Variants in PTPRT observed in about 807,000 individuals in gnomAD.
The protein encoded by PTPRT is protein tyrosine phosphatase receptor type T.
Under a neutral mutation model 176.8 loss-of-function variants are expected in PTPRT, and 56 were observed. That is an observed-to-expected ratio of 0.32 (90% CI 0.26 to 0.40). PTPRT has a LOEUF of 0.40. PTPRT is among the 10% of genes least tolerant of loss of function. The probability of loss-of-function intolerance (pLI) is 1.00; values close to 1 mark genes in which losing one functional copy is unlikely to be tolerated. For synonymous variants in PTPRT, 783 were observed against 739.0 expected, an observed-to-expected ratio of 1.06 and a Z score of -0.96; for missense variants, 1,540 against 1,908.2, an observed-to-expected ratio of 0.81 and a Z score of 3.60.
chr20:42,513,311 T>C (rs2071994783), intron 7 of PTPRT, among the ~76,000 whole-genome samples: 1 of 152,018 alleles, frequency 6.6e-6, no homozygotes, highest in Non-Finnish European at 1.5e-5. Context: ...TTTCTTAATT[T>C]TGTTAATTTC....
At chr20:42,299,781 G>A (rs903566238) in intron 12 of PTPRT, among the ~76,000 whole-genome samples, 10 of 150,748 alleles carry the variant, frequency 6.6e-5, no homozygotes, top group African/African-American at 2.4e-4. Context: ...CCGAGTAGCT[G>A]GGACTACAGG....
chr20:42,104,839 T>A, intron 24 of PTPRT, 121 bp from the exon 25 acceptor site: 2 of 1,123,334 alleles, frequency 1.8e-6, no homozygotes, highest in Admixed American at 5.8e-5. Context: ...TATTACAGGA[T>A]CCTTACTTTT....
chr20:42,284,950 A>G (rs1470778007), intron 12 of PTPRT, among the ~76,000 whole-genome samples: 1 of 151,302 alleles, frequency 6.6e-6, no homozygotes, highest in East Asian at 1.9e-4. Flanking sequence ...CAGAGAACAT[A>G]CCCAAAAGAT....
rs528458101 is a variant in PTPRT, at chr20:42,254,863, G to T, written c.2177-6041C>A. Among the ~76,000 whole-genome samples, 5 of 152,234 alleles carry T rather than the reference G, an allele frequency of 3.3e-5. No homozygotes were observed. The East Asian group carries it at 7.7e-4, about 24-fold the overall frequency. ...AGCCCTGAGGACCTCATGTCTACAG[G>T]ATGCTGACCTTTTTCTCTGACGTCA... On this transcript the variant is annotated intron_variant, in intron 13 of 30. Transcript: ENST00000373187.
intron 1 of PTPRT, among the ~76,000 whole-genome samples, chr20:42,889,774 G>T (rs1430601077): frequency 6.6e-6 from 1 of 152,174 alleles, no homozygotes; most frequent in East Asian, 1.9e-4. Flanking sequence ...AGGAAATACT[G>T]CATGATGACA....
intron 6 of PTPRT, among the ~76,000 whole-genome samples, chr20:42,694,684 T>C (rs1326026573): frequency 6.6e-6 from 1 of 152,252 alleles, no homozygotes; most frequent in Non-Finnish European, 1.5e-5. Context: ...TCACCTGTAC[T>C]ACTATTGTCA....
chr20:42,246,603 C>A (rs944148616), intron 14 of PTPRT, among the ~76,000 whole-genome samples: 1 of 152,096 alleles, frequency 6.6e-6, no homozygotes, highest in African/African-American at 2.4e-5. Flanking sequence ...CCTTTTCCTC[C>A]CTCCCAAAAA....
At chr20:42,464,906 T>C (rs1389721879) in intron 8 of PTPRT, among the ~76,000 whole-genome samples, 9 of 152,148 alleles carry the variant, frequency 5.9e-5, no homozygotes, top group African/African-American at 2.2e-4. Context: ...CATTGGCTCA[T>C]TAGAAATGTA....
At chr20:42,944,521 C>T (rs1980759795) in intron 1 of PTPRT, among the ~76,000 whole-genome samples, 1 of 152,184 alleles carries the variant, frequency 6.6e-6, no homozygotes, top group Admixed American at 6.5e-5. Context: ...TTCCTCCAAC[C>T]TTACCTGCAG....
Position 42,671,720 on chromosome 20 carries a change from T to C in PTPRT, c.1153+6146A>G, listed in dbSNP as rs7270216. Among the ~76,000 whole-genome samples, 1,394 of 152,348 alleles carry C rather than the reference T, an allele frequency of 9.2e-3. 24 individuals carry two copies. The highest frequency in any genetic ancestry group is 0.032 in the African/African-American group (1,344 of 41,578). Reference sequence around the variant, plus strand: ...GCTAAAGAACATTTTGAGTTTGATATACATGATCGCATTTGCTCTCATACC... The same window carrying C: ...GCTAAAGAACATTTTGAGTTTGATACACATGATCGCATTTGCTCTCATACC... On this transcript the variant is annotated intron_variant, in intron 7 of 30. Transcript: ENST00000373187.
At chr20:42,227,319 G>T (rs986869204) in intron 15 of PTPRT, among the ~76,000 whole-genome samples, 3 of 152,126 alleles carry the variant, frequency 2.0e-5, no homozygotes, top group Non-Finnish European at 4.4e-5. Flanking sequence ...CTGAAGCTGG[G>T]GTTGCTTTTA....
chr20:43,186,366 T>C (rs765279363), intron 1 of PTPRT, among the ~76,000 whole-genome samples: 7 of 152,130 alleles, frequency 4.6e-5, no homozygotes, highest in Non-Finnish European at 8.8e-5. Flanking sequence ...CCATTATAGC[T>C]GCCGTGAGAC....
intron 1 of PTPRT, among the ~76,000 whole-genome samples, chr20:43,094,223 G>A (rs2012016778): frequency 6.6e-6 from 1 of 150,668 alleles, no homozygotes; most frequent in Admixed American, 6.6e-5. Flanking sequence ...GAGTAGCTGG[G>A]GCTACAGGCC....
At position 42,611,014 on chromosome 20, in the gene PTPRT, T is replaced by C. The variant is rs906152261; in HGVS notation, c.1153+66852A>G. Among the ~76,000 whole-genome samples the C allele has an allele frequency of 6.6e-5, 10 of 152,234 alleles. No homozygotes were observed. The East Asian group carries it at 1.7e-3, about 26-fold the overall frequency. On this transcript the variant is annotated intron_variant, in intron 7 of 30. Transcript: ENST00000373187. ...GCATGTATGCCTTCATTCCTTTTTA[T>C]TGTGGAAAAAGTGTTCACTGTATGG... is the stretch of plus-strand genomic sequence containing the variant.
intron 1 of PTPRT, among the ~76,000 whole-genome samples, chr20:42,968,485 T>C (rs1032329673): frequency 6.6e-6 from 1 of 152,080 alleles, no homozygotes; most frequent in Non-Finnish European, 1.5e-5. Flanking sequence ...AACTAATAAG[T>C]GGACACCTCA....
chr20:43,025,707 A>C (rs1985881167), intron 1 of PTPRT, among the ~76,000 whole-genome samples: 1 of 152,210 alleles, frequency 6.6e-6, no homozygotes, highest in South Asian at 2.1e-4. Context: ...GTCACCTATT[A>C]GTCCTGGAAT....
intron 3 of PTPRT, among the ~76,000 whole-genome samples, chr20:42,780,763 A>G (rs529691193): frequency 6.6e-6 from 1 of 152,340 alleles, no homozygotes; most frequent in African/African-American, 2.4e-5. Flanking sequence ...GCCAAGGAAC[A>G]TATTACATTT....
At chr20:42,891,298 C>G (rs1038657595) in intron 1 of PTPRT, among the ~76,000 whole-genome samples, 7 of 152,178 alleles carry the variant, frequency 4.6e-5, no homozygotes, top group Non-Finnish European at 8.8e-5. Flanking sequence ...TGGTGAAGAT[C>G]CACATAATTG....
chr20:42,357,335 A>G (rs529761418), intron 9 of PTPRT, among the ~76,000 whole-genome samples: 81 of 152,276 alleles, frequency 5.3e-4, no homozygotes, highest in African/African-American at 1.8e-3. Flanking sequence ...TCATAGAAAA[A>G]GTTTGCAGAC....
Sources: gnomAD v4.1 joint callset for allele counts (sites outside exome capture counted in the v4.1 genomes callset) on GRCh38, gnomAD v4.1.1 for gene constraint, MANE v1.5 for transcripts, NCBI Gene and HGNC (gene_info 2026-07-23, HGNC 2026-07-21) for gene names.